Variants in LOXL3 observed in about 807,000 individuals in gnomAD.
LOXL3 encodes the protein lysyl oxidase homolog 3.
Under a neutral mutation model 91.8 loss-of-function variants are expected in LOXL3, and 60 were observed. That is an observed-to-expected ratio of 0.65 (90% CI 0.53 to 0.81). The LOEUF (loss-of-function observed/expected upper bound fraction) is 0.81. Ranked by LOEUF, LOXL3 falls within the 30% of genes least tolerant of loss-of-function variation. LOXL3 has a pLI of 0.00. For synonymous variants in LOXL3, 355 were observed against 387.6 expected (o/e 0.92, Z 0.99); for missense variants, 874 against 1,000.4 (o/e 0.87, Z 1.70).
At chr2:74,550,102 C>T in intron 3 of LOXL3, 83 bp downstream of exon 3, 5 of 1,508,390 alleles carry the variant, frequency 3.3e-6, no homozygotes, top group Non-Finnish European at 4.4e-6. Flanking sequence ...GGGGTAACTA[C>T]CTTCTAATGT....
Position 74,549,458 on chromosome 2 carries a change from G to A in LOXL3, c.603C>T (p.Cys201=), listed in dbSNP as rs899044321. 17 of 1,612,930 alleles carry A rather than the reference G, an allele frequency of 1.1e-5. No individual in the cohort carries two copies. Among genetic ancestry groups the A allele is most frequent in the African/African-American group, 1.3e-5 (1 of 74,918 alleles). ...TGTTGTGGGCGCTCCAGCCTTTGTCGCACACTTGCGACCAGCCGTCAGGAA... is the reference window on the plus strand; with the variant it reads ...TGTTGTGGGCGCTCCAGCCTTTGTCACACACTTGCGACCAGCCGTCAGGAA... ...VRLPDGWSQV[C]DKGWSAHNSH... The change falls in exon 4 of 14, where the codon TGC becomes TGT. Residue 201 remains cysteine (C), a synonymous_variant. Coordinates refer to ENST00000264094, the MANE Select transcript of LOXL3 (RefSeq NM_032603.5). This position sits in a 1 kb window ranked among gnomAD's most constrained non-coding sequence, Gnocchi z 5.3.
chr2:74,552,543 G>C lies in LOXL3; in HGVS notation c.92C>G (p.Thr31Arg). 2 of 1,612,574 alleles carry C rather than the reference G, an allele frequency of 1.2e-6. No individual in the cohort carries two copies. The highest frequency in any genetic ancestry group is 1.7e-6 in the Non-Finnish European group (2 of 1,179,480). The change falls in exon 2 of 14, where the codon ACG becomes AGG. Residue 31 changes from threonine (T) to arginine (R), a missense_variant. Transcript: ENST00000264094. ...SSCLGSPSPS[T>R]GPEKKAGSQG... The stretch of plus-strand genomic sequence containing the variant: ...GCTCCCGGCCTTCTTCTCAGGGCCC[G>C]TGGAAGGGGACGGAGACCCCAAGCA...
rs777373456 is a variant in LOXL3, at chr2:74,535,689, G to A, written c.1315C>T (p.Pro439Ser). Residue 439 changes from proline (P) to serine (S), a missense_variant, in exon 8 of 14, where the codon CCC becomes TCC. Pro to Ser is a moderately conservative substitution (Grantham distance 74). Transcript: ENST00000264094. The surrounding 1 kb of genome is among the most constrained non-coding windows in gnomAD (Gnocchi z 4.2). ...RVEVQIGGPG[P>S]LRWGLICGDD... ...CCACAGATGAGGCCCCAGCGAAGGGGCCCAGGTCCCCCTATTTGCACCTCG... is the reference window on the plus strand; with the variant it reads ...CCACAGATGAGGCCCCAGCGAAGGGACCCAGGTCCCCCTATTTGCACCTCG... 1.9e-6 allele frequency: 3 copies of A among 1,608,006 alleles called. No individual in the cohort carries two copies. The African/African-American group carries it at 4.0e-5, about 22-fold the overall frequency.
chr2:74,540,644 A>G (rs1313337713), intron 4 of LOXL3, among the ~76,000 whole-genome samples: 2 of 150,348 alleles, frequency 1.3e-5, no homozygotes. Context: ...ACTTACTTCC[A>G]GGGAAATAAA....
At position 74,535,770 on chromosome 2, in the gene LOXL3, A is replaced by T; in HGVS notation, c.1249-15T>A. 1 of 1,541,780 alleles carries T rather than the reference A, an allele frequency of 6.5e-7. No individual in the cohort carries two copies. Among genetic ancestry groups the T allele is most frequent in the Non-Finnish European group, 8.7e-7 (1 of 1,150,844 alleles). Reference sequence around the variant, plus strand: ...CTGAGTCGGATCTGTAGTGACACAGAATGGAAGCGCTGGAGAAAGCTTTGG... The same window carrying T: ...CTGAGTCGGATCTGTAGTGACACAGTATGGAAGCGCTGGAGAAAGCTTTGG... On this transcript the variant is annotated splice_polypyrimidine_tract_variant and intron_variant, in intron 7 of 13. Transcript: ENST00000264094. The surrounding 1 kb of genome is among the most constrained non-coding windows in gnomAD (Gnocchi z 4.2).
rs1676820764 is a variant in LOXL3 at position 74,549,184 on chromosome 2, G to C, written c.692+185C>G. On this transcript the variant is annotated intron_variant, in intron 4 of 13. Coordinates refer to ENST00000264094, the MANE Select transcript of LOXL3 (RefSeq NM_032603.5). The surrounding 1 kb of genome is among the most constrained non-coding windows in gnomAD (Gnocchi z 5.3). ...GGTCCCCATTTCAGGTACTCCCTTG[G>C]GGCACCTTTCGTGGTCCCACAAGAT... The C allele has an allele frequency of 1.6e-6, 1 of 619,460 alleles. No homozygotes were observed. Among genetic ancestry groups the C allele is most frequent in the Non-Finnish European group, 2.6e-6 (1 of 382,268 alleles). The allele number at this position is 619,460 out of a possible 1,614,324, so 38.4% of individuals were successfully genotyped here.
intron 4 of LOXL3, among the ~76,000 whole-genome samples, chr2:74,542,622 CCTA>C (rs1324165430): frequency 1.1e-4 from 17 of 151,386 alleles, no homozygotes; most frequent in Non-Finnish European, 1.8e-4. Context: ...ATCCTCTCTT[CCTA>C]CTTTTTTTTT....
Position 74,538,222 on chromosome 2 carries a change from C to G in LOXL3, c.693-1294G>C, listed in dbSNP as rs544266388. ...CCTCATTCCCGTTGTCTACAATGAA[C>G]AAAATAAAAATGGCAGTGTGTACTT... is the stretch of plus-strand genomic sequence containing the variant. On this transcript the variant is annotated intron_variant, in intron 4 of 13. Transcript: ENST00000264094. Among the ~76,000 whole-genome samples the G allele has an allele frequency of 3.9e-5, 6 of 152,224 alleles. No individual in the cohort carries two copies. In the East Asian group the frequency reaches 1.2e-3, roughly 29 times the overall value.
In LOXL3 at chr2:74,532,670, T is replaced by C. The variant is rs768793485; in HGVS notation, c.*936A>G. 1 of 1,613,710 alleles carries C rather than the reference T, an allele frequency of 6.2e-7. No individual in the cohort carries two copies. Among genetic ancestry groups the C allele is most frequent in the African/African-American group, 1.3e-5 (1 of 74,896 alleles). On this transcript the variant is annotated 3_prime_UTR_variant, in exon 14 of 14. Transcript: ENST00000264094. ...AACCAAGCTTTCCCGATGTTCAGCATGGTGTACTCATCCATAAAGTCATCC... is the reference window on the plus strand; with the variant it reads ...AACCAAGCTTTCCCGATGTTCAGCACGGTGTACTCATCCATAAAGTCATCC...
upstream of LOXL3, chr2:74,555,518 ACCGACCCCCGCTC>A: frequency 6.2e-7 from 1 of 1,612,834 alleles, no homozygotes. This position sits in a 1 kb window ranked among gnomAD's most constrained non-coding sequence, Gnocchi z 6.1. Context: ...GCTGCCTCAG[ACCGACCCCCGCTC>A]CCCGCTGAGG....
chr2:74,544,916 CA>C (rs779914521), intron 4 of LOXL3, among the ~76,000 whole-genome samples: 10 of 152,200 alleles, frequency 6.6e-5, no homozygotes, highest in Non-Finnish European at 1.0e-4. Flanking sequence ...AGGGCTCCCG[CA>C]ATCTCTTTCC....
chr2:74,541,098 G>A (rs947643514), intron 4 of LOXL3, among the ~76,000 whole-genome samples: 1 of 152,254 alleles, frequency 6.6e-6, no homozygotes, highest in African/African-American at 2.4e-5. Flanking sequence ...TACTGAACAC[G>A]TACCAACTTT....
chr2:74,540,961 G>T (rs1203309573), intron 4 of LOXL3, among the ~76,000 whole-genome samples: 1 of 152,148 alleles, frequency 6.6e-6, no homozygotes, highest in Non-Finnish European at 1.5e-5. Context: ...ACTGAGCCCA[G>T]CCTTAGTTGT....
At position 74,549,360 on chromosome 2, in the gene LOXL3, G is replaced by T; in HGVS notation, c.692+9C>A. The T allele has an allele frequency of 6.3e-7, 1 of 1,575,646 alleles. No individual in the cohort carries two copies. The highest frequency in any genetic ancestry group is 8.6e-7 in the Non-Finnish European group (1 of 1,159,872). On this transcript the variant is annotated intron_variant, in intron 4 of 13. Coordinates refer to ENST00000264094, the MANE Select transcript of LOXL3 (RefSeq NM_032603.5). The surrounding 1 kb of genome is among the most constrained non-coding windows in gnomAD (Gnocchi z 5.3). The stretch of plus-strand genomic sequence containing the variant: ...CGGCCTGCTCCGCCCGGCGCCCGCG[G>T]CCCCTCACCTGTAGAAGGCCGCGTT...
At chr2:74,554,916 AG>A (rs1360305643), upstream of LOXL3, 46 of 1,551,414 alleles carry the variant, frequency 3.0e-5, no homozygotes, top group Non-Finnish European at 3.9e-5. The surrounding 1 kb of genome is among the most constrained non-coding windows in gnomAD (Gnocchi z 4.9). Flanking sequence ...CGGCGCCGGG[AG>A]TTGGAGAGCC....
intron 4 of LOXL3, among the ~76,000 whole-genome samples, chr2:74,540,742 A>G (rs2104412548): frequency 6.8e-6 from 1 of 146,574 alleles, no homozygotes; most frequent in Admixed American, 6.8e-5. Context: ...ACCATGGCTC[A>G]CTGCAGCCTT....
intron 4 of LOXL3, among the ~76,000 whole-genome samples, chr2:74,544,031 C>T (rs1032829023): frequency 6.6e-6 from 1 of 151,156 alleles, no homozygotes; most frequent in Non-Finnish European, 1.5e-5. Flanking sequence ...TGGCCGGGCA[C>T]GGTGGCTCAA....
chr2:74,532,511 C>T lies in LOXL3; in HGVS notation c.*1095G>A. On this transcript the variant is annotated 3_prime_UTR_variant, in exon 14 of 14. Coordinates refer to ENST00000264094, the MANE Select transcript of LOXL3 (RefSeq NM_032603.5). ...CCATTGTATTTTGTAGTACCTAGCC[C>T]ATGTCCTGTCCATATATTTATCAAT... 1.2e-6 allele frequency: 1 copy of T among 832,396 alleles called. No individual in the cohort carries two copies. The highest frequency in any genetic ancestry group is 3.3e-4 in the Middle Eastern group (1 of 3,054). The allele number at this position is 832,396 out of a possible 1,614,324, so 51.6% of individuals were successfully genotyped here. A position where few individuals can be genotyped will look rare whatever the true frequency, so the allele number is the denominator to read the frequency against.
chr2:74,534,886 T>C, intron 9 of LOXL3, 112 bp from the exon 10 acceptor site: 1 of 1,279,780 alleles, frequency 7.8e-7, no homozygotes, highest in Non-Finnish European at 1.1e-6. Context: ...TTTTTGTTTG[T>C]TTGTTTGTTT....
Sources: gnomAD v4.1 joint callset for allele counts (sites outside exome capture counted in the v4.1 genomes callset) on GRCh38, gnomAD v4.1.1 for gene constraint, Gnocchi (gnomAD v3.1) non-coding constraint, MANE v1.5 for transcripts, NCBI Gene and HGNC (gene_info 2026-07-23, HGNC 2026-07-21) for gene names.